The following CDH12 variants were observed in gnomAD, a reference collection of about 807,000 sequenced individuals.
The protein encoded by CDH12 is cadherin 12, also known as cadherin-12.
Under a neutral mutation model 74.1 loss-of-function variants are expected in CDH12, and 41 were observed. The ratio of observed to expected loss-of-function variants is 0.55; its 90% confidence interval spans 0.43 to 0.72. The LOEUF is 0.72. Among genes scored for constraint, CDH12 ranks in the 30% least tolerant of loss-of-function variants. The pLI is 0.00. For synonymous variants in CDH12, 399 were observed against 355.0 expected, an observed-to-expected ratio of 1.12 and a Z score of -1.39; for missense variants, 945 against 977.2, an observed-to-expected ratio of 0.97 and a Z score of 0.44.
rs148726560 is a variant in CDH12, at chr5:21,768,801, C to T, written c.1394-3702G>A. Among the ~76,000 whole-genome samples the T allele has an allele frequency of 3.7e-3, 555 of 151,996 alleles. 5 individuals are homozygous for T. Among genetic ancestry groups the T allele is most frequent in the African/African-American group, 0.011 (464 of 41,514 alleles). On this transcript the variant is annotated intron_variant, in intron 11 of 14. Transcript: ENST00000382254. Reference sequence around the variant, plus strand: ...CCGCTGAATCCTATGTGCCTTGATACGAAAACCAATTAAAAAATCACAAAA... The same window carrying T: ...CCGCTGAATCCTATGTGCCTTGATATGAAAACCAATTAAAAAATCACAAAA...
intron 4 of CDH12, among the ~76,000 whole-genome samples, chr5:22,123,311 C>A (rs187771252): frequency 9.0e-4 from 137 of 152,286 alleles, no homozygotes; most frequent in Middle Eastern, 6.8e-3. Flanking sequence ...TTGATCTTGG[C>A]CTTCCCAGCC....
chr5:21,986,232 A>G (rs1757509105), intron 5 of CDH12, among the ~76,000 whole-genome samples: 2 of 152,210 alleles, frequency 1.3e-5, no homozygotes, highest in African/African-American at 4.8e-5. Flanking sequence ...AATGCTCAAG[A>G]GCAAAAAAGC....
intron 1 of CDH12, among the ~76,000 whole-genome samples, chr5:22,546,919 C>T (rs183069162): frequency 1.1e-4 from 17 of 152,252 alleles, no homozygotes; most frequent in Non-Finnish European, 4.4e-5. Flanking sequence ...AACAAATAAA[C>T]TAATCTATTT....
chr5:22,205,269 G>A (rs1751157290), intron 4 of CDH12, among the ~76,000 whole-genome samples: 1 of 152,096 alleles, frequency 6.6e-6, no homozygotes, highest in Admixed American at 6.6e-5. Context: ...ACTATCTTAG[G>A]TACTGAGTTG....
intron 6 of CDH12, chr5:21,882,732 G>T: frequency 3.7e-6 from 6 of 1,605,744 alleles, no homozygotes; most frequent in Non-Finnish European, 5.1e-6. Flanking sequence ...AGACCTTTTA[G>T]CCGATGCTGT....
intron 5 of CDH12, among the ~76,000 whole-genome samples, chr5:22,023,060 A>G (rs936245488): frequency 1.3e-5 from 2 of 152,110 alleles, no homozygotes; most frequent in African/African-American, 4.8e-5. Flanking sequence ...GTAACTTTCA[A>G]CTATATTTAC....
chr5:22,620,864 A>C (rs1332696790), intron 1 of CDH12, among the ~76,000 whole-genome samples: 3 of 152,182 alleles, frequency 2.0e-5, no homozygotes, highest in Admixed American at 1.3e-4. Flanking sequence ...TAGGTGATAA[A>C]ATTTGTAAAA....
At chr5:22,646,785 A>G (rs1739457037) in intron 1 of CDH12, among the ~76,000 whole-genome samples, 1 of 151,932 alleles carries the variant, frequency 6.6e-6, no homozygotes, top group South Asian at 2.1e-4. Flanking sequence ...CTAACATTTA[A>G]GAAACACCAT....
At chr5:21,878,868 A>G (rs1469146386) in intron 6 of CDH12, among the ~76,000 whole-genome samples, 1 of 151,238 alleles carries the variant, frequency 6.6e-6, no homozygotes, top group Non-Finnish European at 1.5e-5. Flanking sequence ...AAAGAAAGAA[A>G]GAGAGAGAAA....
At chr5:22,086,155 C>A (rs985287596) in intron 4 of CDH12, among the ~76,000 whole-genome samples, 1 of 152,090 alleles carries the variant, frequency 6.6e-6, no homozygotes, top group African/African-American at 2.4e-5. Flanking sequence ...CATAGTAAAC[C>A]AATCTCTGCT....
intron 7 of CDH12, among the ~76,000 whole-genome samples, chr5:21,849,094 A>C (rs191604910): frequency 6.6e-6 from 1 of 151,872 alleles, no homozygotes; most frequent in African/African-American, 2.4e-5. Flanking sequence ...TATATATGGT[A>C]TTATTCTTAT....
At chr5:22,527,629 C>T (rs1307552567) in intron 1 of CDH12, among the ~76,000 whole-genome samples, 3 of 152,200 alleles carry the variant, frequency 2.0e-5, no homozygotes, top group East Asian at 3.9e-4. Flanking sequence ...GCCAGGGCTC[C>T]CTTCACAAAT....
At chr5:22,186,178 C>G (rs1749933831) in intron 4 of CDH12, among the ~76,000 whole-genome samples, 1 of 152,108 alleles carries the variant, frequency 6.6e-6, no homozygotes, top group Non-Finnish European at 1.5e-5. Context: ...AAGATTTAGG[C>G]AAAAGTAACA....
chr5:22,450,067 C>T (rs1744981868), intron 2 of CDH12, among the ~76,000 whole-genome samples: 2 of 151,962 alleles, frequency 1.3e-5, no homozygotes, highest in Admixed American at 1.3e-4. Context: ...CCTTTAATTA[C>T]AGAAGACAGT....
chr5:21,902,899 T>C (rs1272747369), intron 6 of CDH12, among the ~76,000 whole-genome samples: 1 of 152,096 alleles, frequency 6.6e-6, no homozygotes, highest in East Asian at 1.9e-4. Flanking sequence ...AATGGAAGAA[T>C]GATAAGACGA....
chr5:22,786,110 T>C (rs1430004019), intron 1 of CDH12, among the ~76,000 whole-genome samples: 1 of 152,130 alleles, frequency 6.6e-6, no homozygotes. Context: ...GTGGCACGTA[T>C]ACACCATGGA....
intron 6 of CDH12, among the ~76,000 whole-genome samples, chr5:21,963,938 G>T (rs989742334): frequency 3.3e-5 from 5 of 151,902 alleles, no homozygotes; most frequent in African/African-American, 7.2e-5. Flanking sequence ...AAGTATTTGG[G>T]GTAACTGATA....
intron 1 of CDH12, among the ~76,000 whole-genome samples, chr5:22,587,083 G>A (rs372318841): frequency 2.2e-4 from 34 of 152,078 alleles, no homozygotes; most frequent in East Asian, 1.4e-3. Context: ...CGATCTGCCC[G>A]TCTTGGCCTC....
chr5:22,698,507 G>T (rs934589503), intron 1 of CDH12, among the ~76,000 whole-genome samples: 2 of 151,336 alleles, frequency 1.3e-5, no homozygotes, highest in Non-Finnish European at 2.9e-5. Flanking sequence ...GTTAAAGCCT[G>T]AAAGTACTTA....
Sources: allele counts gnomAD v4.1 joint callset (sites outside exome capture counted in the v4.1 genomes callset), GRCh38; gene constraint gnomAD v4.1.1; transcripts MANE v1.5; gene names NCBI Gene and HGNC (gene_info 2026-07-23, HGNC 2026-07-21).